TPO: variants seen among roughly 807,000 people sequenced by gnomAD.
TPO encodes thyroid microsomal antigen.
A neutral mutation model predicts 96.9 loss-of-function variants in TPO; 78 were observed. The observed-to-expected ratio is 0.81, with a 90% CI of 0.67 to 0.97. The LOEUF is 0.97. Ranked by LOEUF, TPO falls within the 50% of genes least tolerant of loss-of-function variation. The pLI is 0.00. For missense variants in TPO, 1,252 were observed against 1,274.8 expected, an observed-to-expected ratio of 0.98 and a Z score of 0.27; for synonymous variants, 547 against 538.0, an observed-to-expected ratio of 1.02 and a Z score of -0.23.
chr2:1,527,921 AGCAACCTCCTCAAATCCCCCCACTGCGT>A (rs1677001201), intron 15 of TPO, among the ~76,000 whole-genome samples: 3 of 23,888 alleles, frequency 1.3e-4, no homozygotes, highest in Non-Finnish European at 1.6e-4. Flanking sequence ...CCCCAATGTG[AGCAACCTCCTCAAATCCCCCCACTGCGT>A]GCAACCTCCT....
intron 13 of TPO, among the ~76,000 whole-genome samples, chr2:1,502,615 C>A (rs1001312353): frequency 6.6e-6 from 1 of 152,132 alleles, no homozygotes; most frequent in Admixed American, 6.5e-5. Context: ...GGCTCAAACT[C>A]CTGACCTCAG....
intron 5 of TPO, among the ~76,000 whole-genome samples, chr2:1,446,856 C>T (rs985826975): frequency 1.3e-5 from 2 of 152,118 alleles, no homozygotes; most frequent in Admixed American, 6.5e-5. Context: ...ATCTTGCTTT[C>T]TCTGAAGAAT....
rs533815539 is a variant in TPO, at chr2:1,534,849, AC to A, written c.2619-5738del. ...AACCTCAAGTCCCCCACTGTGTGTA[AC>A]CCCCCCAAATCCCACCACTGTGCAC... On this transcript the variant is annotated intron_variant, in intron 15 of 16. Coordinates refer to ENST00000329066, the MANE Select transcript of TPO (RefSeq NM_001206744.2). Among the ~76,000 whole-genome samples, 181 of 104,362 alleles carry A rather than the reference AC, an allele frequency of 1.7e-3. 10 individuals are homozygous for A. Among genetic ancestry groups the A allele is most frequent in the African/African-American group, 6.8e-3 (174 of 25,676 alleles). The allele number at this position is 104,362 out of a possible 152,430, so 68.5% of individuals were successfully genotyped here.
At chr2:1,458,753 GT>G (rs1345671583) in intron 7 of TPO, among the ~76,000 whole-genome samples, 3 of 152,206 alleles carry the variant, frequency 2.0e-5, no homozygotes, top group Non-Finnish European at 4.4e-5. Flanking sequence ...CTTAGCAATA[GT>G]TCTTATACAT....
At position 1,512,790 on chromosome 2, in the gene TPO, G is replaced by C. The variant is rs1432955599; in HGVS notation, c.2519-4093G>C. ...TTCTCCTTCTAAGGAAGGGACTGAG[G>C]GAGGGAAAGTGCCCCCAGAGCATCT... On this transcript the variant is annotated intron_variant, in intron 14 of 16. Coordinates refer to ENST00000329066, the MANE Select transcript of TPO (RefSeq NM_001206744.2). 2.6e-5 allele frequency among the ~76,000 whole-genome samples: 4 copies of C among 152,342 alleles called. No homozygotes were observed. The South Asian group carries it at 8.3e-4, about 32-fold the overall frequency.
chr2:1,389,269 TGTC>T (rs1159727062), intron 1 of TPO, among the ~76,000 whole-genome samples: 5 of 152,138 alleles, frequency 3.3e-5, no homozygotes, highest in Admixed American at 1.3e-4. Flanking sequence ...TGCCAGTTCT[TGTC>T]GTGGCCAAGT....
At chr2:1,471,449 C>CCA (rs1553313328) in intron 7 of TPO, among the ~76,000 whole-genome samples, 1 of 151,936 alleles carries the variant, frequency 6.6e-6, no homozygotes, top group South Asian at 2.1e-4. Context: ...GACCCCCCCC[C>CCA]ACAAATTTTG....
chr2:1,375,399 CA>C (rs1265328953), intron 1 of TPO, among the ~76,000 whole-genome samples: 1 of 152,074 alleles, frequency 6.6e-6, no homozygotes, highest in Non-Finnish European at 1.5e-5. Context: ...CCGGAAAAAA[CA>C]AACACAAGTC....
chr2:1,461,861 G>A lies in TPO; in HGVS notation c.819+5579G>A, dbSNP rs1323472476. On this transcript the variant is annotated intron_variant, in intron 7 of 16. Transcript: ENST00000329066. Reference sequence around the variant, plus strand: ...TCAGGAGTGTATTGGACGAGGGCAGGGGGGGCCGTGGCGAGGAGCAGGATA... The same window carrying A: ...TCAGGAGTGTATTGGACGAGGGCAGAGGGGGCCGTGGCGAGGAGCAGGATA... Among the ~76,000 whole-genome samples the A allele has an allele frequency of 2.6e-5, 4 of 152,140 alleles. No individual in the cohort carries two copies. The South Asian group carries it at 8.3e-4, about 32-fold the overall frequency.
intron 15 of TPO, among the ~76,000 whole-genome samples, chr2:1,530,547 C>T (rs1677873621): frequency 8.0e-6 from 1 of 124,236 alleles, no homozygotes; most frequent in Non-Finnish European, 1.7e-5. Flanking sequence ...CCAAATCCCC[C>T]CCATTGTGGG....
chr2:1,493,198 GTGTGA>G, intron 10 of TPO, among the ~76,000 whole-genome samples: 1 of 124,840 alleles, frequency 8.0e-6, no homozygotes, highest in Non-Finnish European at 1.7e-5. Context: ...GTGTGTGTGT[GTGTGA>G]GTGGGTGGGG....
intron 7 of TPO, 29 bp from the exon 8 acceptor site, chr2:1,477,057 G>A (rs1670016389): frequency 6.3e-7 from 1 of 1,593,314 alleles, no homozygotes; most frequent in Admixed American, 1.7e-5. Flanking sequence ...GGGGGCCCTG[G>A]GTGACCTTGA....
chr2:1,388,388 C>T (rs2148353862), intron 1 of TPO, among the ~76,000 whole-genome samples: 1 of 152,326 alleles, frequency 6.6e-6, no homozygotes, highest in South Asian at 2.1e-4. Flanking sequence ...GCTTTGTTTA[C>T]CTACTCAAGC....
chr2:1,494,084 G>A (rs1048590719), intron 11 of TPO, 45 bp downstream of exon 11: 3 of 1,594,424 alleles, frequency 1.9e-6, no homozygotes, highest in Non-Finnish European at 2.6e-6. Context: ...CTGCACAGAG[G>A]CAGGTGGTCT....
chr2:1,472,402 G>C (rs1669509737), intron 7 of TPO, among the ~76,000 whole-genome samples: 1 of 152,160 alleles, frequency 6.6e-6, no homozygotes, highest in South Asian at 2.1e-4. Context: ...CCCTTTCCAT[G>C]ATATGAATGC....
At chr2:1,460,972 G>T (rs546924135) in intron 7 of TPO, among the ~76,000 whole-genome samples, 1 of 152,338 alleles carries the variant, frequency 6.6e-6, no homozygotes, top group Admixed American at 6.5e-5. Context: ...GTGAAAAGCA[G>T]CCTTGGAAGA....
intron 7 of TPO, among the ~76,000 whole-genome samples, chr2:1,472,847 AAAAAG>A (rs1382843243): frequency 1.3e-5 from 2 of 151,300 alleles, no homozygotes; most frequent in African/African-American, 4.8e-5. Context: ...AAAAAAAAAA[AAAAAG>A]GAGAGAGAGA....
intron 15 of TPO, among the ~76,000 whole-genome samples, chr2:1,524,709 C>A (rs72629186): frequency 0.28 from 34,646 of 123,134 alleles, 6,518 homozygotes; most frequent in East Asian, 0.31. Context: ...GTGCAAACTC[C>A]CCACATTCCC....
At chr2:1,388,095 C>G (rs931816297) in intron 1 of TPO, among the ~76,000 whole-genome samples, 1 of 152,214 alleles carries the variant, frequency 6.6e-6, no homozygotes, top group African/African-American at 2.4e-5. Flanking sequence ...GGGTACCCGG[C>G]TGTGTGAGGT....
Sources: gnomAD v4.1 joint callset for allele counts (sites outside exome capture counted in the v4.1 genomes callset) on GRCh38, gnomAD v4.1.1 for gene constraint, MANE v1.5 for transcripts, NCBI Gene and HGNC (gene_info 2026-07-23, HGNC 2026-07-21) for gene names.